The following ARHGEF18 variants were observed in gnomAD, a reference collection of about 807,000 sequenced individuals.
ARHGEF18 encodes rho guanine nucleotide exchange factor 18.
A neutral mutation model predicts 155.7 loss-of-function variants in ARHGEF18; 93 were observed. The ratio of observed to expected loss-of-function variants is 0.60; its 90% CI spans 0.50 to 0.71. ARHGEF18 has a LOEUF of 0.71. Among genes scored for constraint, ARHGEF18 ranks in the 30% least tolerant of loss-of-function variants. The pLI, the probability that ARHGEF18 is intolerant of heterozygous loss-of-function variation, is 0.00. For synonymous variants in ARHGEF18, 742 were observed against 753.1 expected (o/e 0.99, Z 0.24); for missense variants, 1,593 against 1,816.1 (o/e 0.88, Z 2.23).
chr19:7,462,003 C>T lies in ARHGEF18; in HGVS notation c.2453-149C>T. The T allele has an allele frequency of 1.2e-6, 1 of 858,856 alleles. No individual in the cohort carries two copies. The allele number at this position is 858,856 out of a possible 1,614,324, so 53.2% of individuals were successfully genotyped here. A position where few individuals can be genotyped will look rare whatever the true frequency, so the allele number is the denominator to read the frequency against. On this transcript the variant is annotated intron_variant, in intron 20 of 28. Coordinates refer to ENST00000668164, the MANE Select transcript of ARHGEF18 (RefSeq NM_001367823.1). The surrounding 1 kb of genome is among the most constrained non-coding windows in gnomAD (Gnocchi z 4.4). ...ATCAGAGGACAAGGCCATGCCCTCCCCTACCTCCCAGGAATGCAGGACACA... is the reference window on the plus strand; with the variant it reads ...ATCAGAGGACAAGGCCATGCCCTCCTCTACCTCCCAGGAATGCAGGACACA...
intron 3 of ARHGEF18, among the ~76,000 whole-genome samples, chr19:7,374,794 T>C (rs566103815): frequency 6.6e-6 from 1 of 152,150 alleles, no homozygotes; most frequent in East Asian, 1.9e-4. Flanking sequence ...GACCCACGCA[T>C]ATAAGCTTAA....
At chr19:7,375,302 GAAAAGAAAGA>G (rs911316837) in intron 3 of ARHGEF18, among the ~76,000 whole-genome samples, 8 of 94,968 alleles carry the variant, frequency 8.4e-5, no homozygotes, top group African/African-American at 2.0e-4. Flanking sequence ...AAGAAAGAAA[GAAAAGAAAGA>G]AAAAGAAAGA....
chr19:7,442,243 T>C (rs1600457659), intron 13 of ARHGEF18, among the ~76,000 whole-genome samples, 191 bp downstream of exon 13: 1 of 150,816 alleles, frequency 6.6e-6, no homozygotes, highest in African/African-American at 2.5e-5. Flanking sequence ...TTCTTTCTTT[T>C]TTTTCTTTTT....
intron 7 of ARHGEF18, 72 bp from the exon 8 acceptor site, chr19:7,380,845 T>C: frequency 9.7e-7 from 1 of 1,026,560 alleles, no homozygotes; most frequent in African/African-American, 1.7e-5. Flanking sequence ...ATGCCTGTAC[T>C]CGGTAGCACT....
intron 1 of ARHGEF18, among the ~76,000 whole-genome samples, chr19:7,354,824 C>T (rs1049773503): frequency 1.2e-4 from 18 of 151,802 alleles, no homozygotes; most frequent in Admixed American, 1.3e-4. Flanking sequence ...CCCTTGAGAC[C>T]GGGAGTTGGA....
chr19:7,478,420 G>A, the ARHGEF18 span: 1 of 1,575,842 alleles, frequency 6.3e-7, no homozygotes, highest in Non-Finnish European at 8.6e-7. Flanking sequence ...GCGGGGAGCA[G>A]GAGGGTTAGC....
chr19:7,382,997 A>G, intron 9 of ARHGEF18, 65 bp from the exon 10 acceptor site: 4 of 1,232,306 alleles, frequency 3.2e-6, no homozygotes, highest in Non-Finnish European at 4.0e-6. Context: ...TGGGCTGGGT[A>G]CACAGTATAT....
intron 10 of ARHGEF18, among the ~76,000 whole-genome samples, chr19:7,415,699 A>G (rs1190338129): frequency 6.6e-6 from 1 of 151,496 alleles, no homozygotes; most frequent in Admixed American, 6.6e-5. Flanking sequence ...GCACCCACCC[A>G]CCACATGACA....
Position 7,472,340 on chromosome 19 carries a change from G to C in ARHGEF18, c.*2042G>C, listed in dbSNP as rs571472522. ...TCCTATTTTCGTGGGATCTGCACACGTCTTTGTCAGTTGTGGTCATGATCT... is the reference window on the plus strand; with the variant it reads ...TCCTATTTTCGTGGGATCTGCACACCTCTTTGTCAGTTGTGGTCATGATCT... On this transcript the variant is annotated 3_prime_UTR_variant, in exon 29 of 29. Coordinates refer to ENST00000668164, the MANE Select transcript of ARHGEF18 (RefSeq NM_001367823.1). The C allele has an allele frequency of 6.5e-6, 1 of 153,052 alleles. No individual in the cohort carries two copies. The highest frequency in any genetic ancestry group is 2.4e-5 in the African/African-American group (1 of 41,472). 9.5% of individuals were successfully genotyped at this position (153,052 alleles called of 1,614,324 possible).
chr19:7,474,430 G>A (rs1266656155), downstream of ARHGEF18, among the ~76,000 whole-genome samples: 1 of 152,076 alleles, frequency 6.6e-6, no homozygotes, highest in East Asian at 1.9e-4. Context: ...AGGCTGGAGT[G>A]CAGTGGCACG....
At chr19:7,420,550 G>T (rs189764698) in intron 10 of ARHGEF18, among the ~76,000 whole-genome samples, 4 of 152,216 alleles carry the variant, frequency 2.6e-5, no homozygotes, top group African/African-American at 9.6e-5. Flanking sequence ...CCCACGCCGG[G>T]CCTGTTTTGC....
At chr19:7,363,948 A>C (rs111163861) in intron 2 of ARHGEF18, among the ~76,000 whole-genome samples, 3 of 136,022 alleles carry the variant, frequency 2.2e-5, no homozygotes, top group Non-Finnish European at 4.8e-5. Context: ...AAGGAAGGAT[A>C]GATAAATAAT....
intron 15 of ARHGEF18, among the ~76,000 whole-genome samples, chr19:7,450,220 G>A (rs1034791805): frequency 1.4e-5 from 2 of 140,836 alleles, no homozygotes; most frequent in Admixed American, 1.4e-4. Flanking sequence ...GCGGTATCTC[G>A]CTTTCTGTTT....
intron 23 of ARHGEF18, 92 bp from the exon 24 acceptor site, chr19:7,466,826 A>T: frequency 2.5e-5 from 26 of 1,057,118 alleles, no homozygotes; most frequent in Middle Eastern, 2.2e-4. Flanking sequence ...AAAAAAAAAA[A>T]GTTAAAAAAA....
At chr19:7,469,760 T>A in intron 27 of ARHGEF18, 144 bp from the exon 28 acceptor site, 1 of 946,882 alleles carries the variant, frequency 1.1e-6, no homozygotes, top group East Asian at 2.5e-5. Flanking sequence ...GCTTAGCATC[T>A]GAGCAGCTCA....
chr19:7,476,798 TC>T (rs1470903791), downstream of ARHGEF18: 1 of 177,666 alleles, frequency 5.6e-6, no homozygotes, highest in African/African-American at 2.3e-5. Flanking sequence ...TAGTGTGGTT[TC>T]CAACTTTGGG....
intron 13 of ARHGEF18, among the ~76,000 whole-genome samples, chr19:7,442,504 G>A (rs1974725779): frequency 6.6e-6 from 1 of 151,952 alleles, no homozygotes; most frequent in African/African-American, 2.4e-5. Context: ...CAAACTATTG[G>A]GATTATAGGC....
At chr19:7,439,041 T>C (rs1600443410) in intron 10 of ARHGEF18, among the ~76,000 whole-genome samples, 1 of 151,930 alleles carries the variant, frequency 6.6e-6, no homozygotes, top group African/African-American at 2.4e-5. Flanking sequence ...CCTTCTAATT[T>C]TTGTATTTTG....
In ARHGEF18 at chr19:7,463,723, C is replaced by T. The variant is rs960234071; in HGVS notation, c.2636-95C>T. On this transcript the variant is annotated intron_variant, in intron 21 of 28. Coordinates refer to ENST00000668164, the MANE Select transcript of ARHGEF18 (RefSeq NM_001367823.1). This position sits in a 1 kb window ranked among gnomAD's most constrained non-coding sequence, Gnocchi z 5.2. ...AGGCGATCACCACCCCAGTGAGTCC[C>T]TCCGTCCACCCGGGTCTCGCTGCCC... The T allele has an allele frequency of 2.8e-6, 4 of 1,424,004 alleles. No homozygotes were observed. Among genetic ancestry groups the T allele is most frequent in the Non-Finnish European group, 3.7e-6 (4 of 1,068,836 alleles). 88.2% of individuals were successfully genotyped at this position (1,424,004 alleles called of 1,614,324 possible).
Sources: allele counts gnomAD v4.1 joint callset (sites outside exome capture counted in the v4.1 genomes callset), GRCh38; gene constraint gnomAD v4.1.1; non-coding constraint Gnocchi (gnomAD v3.1); transcripts MANE v1.5; gene names NCBI Gene and HGNC (gene_info 2026-07-23, HGNC 2026-07-21).